The following SLC35E1 variants were observed in gnomAD, a reference collection of about 807,000 sequenced individuals.
The protein encoded by SLC35E1 is solute carrier family 35 member E1.
A neutral mutation model predicts 31.0 loss-of-function variants in SLC35E1; 12 were observed. The ratio of observed to expected loss-of-function variants is 0.39; its 90% confidence interval spans 0.25 to 0.63. SLC35E1 has a LOEUF of 0.63. Ranked by LOEUF, SLC35E1 falls within the 20% of genes least tolerant of loss-of-function variation. The pLI is 0.52. For synonymous variants in SLC35E1, 257 were observed against 264.1 expected (o/e 0.97, Z 0.26); for missense variants, 429 against 572.2 (o/e 0.75, Z 2.55).
chr19:16,558,050 T>C (rs750596993), intron 4 of SLC35E1, among the ~76,000 whole-genome samples: 13 of 151,314 alleles, frequency 8.6e-5, no homozygotes, highest in Non-Finnish European at 1.5e-4. Context: ...TTTTTGTTTT[T>C]GTTTTTTTTT....
chr19:16,563,323 A>AAAAAT (rs200971382), intron 4 of SLC35E1, among the ~76,000 whole-genome samples: 11,999 of 151,296 alleles, frequency 0.079, 564 homozygotes, highest in Admixed American at 0.11. Flanking sequence ...CTCCGTCTCA[A>AAAAAT]AAAATAAAAT....
At chr19:16,570,193 A>C (rs2085950670) in intron 2 of SLC35E1, among the ~76,000 whole-genome samples, 1 of 152,176 alleles carries the variant, frequency 6.6e-6, no homozygotes, top group Admixed American at 6.5e-5. Flanking sequence ...CAACGGGGAA[A>C]CCTGATACAC....
At chr19:16,565,136 C>T (rs11673650) in intron 4 of SLC35E1, 15,311 of 456,418 alleles carry the variant, frequency 0.034, 316 homozygotes, top group Non-Finnish European at 0.044. Context: ...GCAGACCCTG[C>T]AGGTGGCAAA....
At chr19:16,560,956 C>T (rs1188938349) in intron 4 of SLC35E1, among the ~76,000 whole-genome samples, 2 of 146,242 alleles carry the variant, frequency 1.4e-5, no homozygotes, top group East Asian at 4.1e-4. Context: ...AATCCTATCT[C>T]TTTGGGAGGT....
At chr19:16,569,760 C>T (rs1406666524) in intron 2 of SLC35E1, among the ~76,000 whole-genome samples, 1 of 152,202 alleles carries the variant, frequency 6.6e-6, no homozygotes, top group East Asian at 1.9e-4. Context: ...GCAAGAATCG[C>T]TTGAACCCAG....
In SLC35E1 at chr19:16,553,871, G is replaced by A. The variant is rs1434068337; in HGVS notation, c.1041C>T (p.Leu347=). Residue 347 remains leucine, a synonymous_variant, in exon 6 of 6, where the codon CTC becomes CTT. Transcript: ENST00000595753. ...TCAGGTCTGCTGTGGTGACGGGGAGGAGGTGCTTCCTGGCTTGCTGGTTTG... is the reference window on the plus strand; with the variant it reads ...TCAGGTCTGCTGTGGTGACGGGGAGAAGGTGCTTCCTGGCTTGCTGGTTTG... ...YDANQQARKH[L]LPVTTADLSS... 1 of 1,613,052 alleles carries A rather than the reference G, an allele frequency of 6.2e-7. No individual in the cohort carries two copies. The highest frequency in any genetic ancestry group is 8.5e-7 in the Non-Finnish European group (1 of 1,179,394).
chr19:16,564,701 TCCCTACC>T (rs950075962), intron 4 of SLC35E1, among the ~76,000 whole-genome samples: 7 of 152,116 alleles, frequency 4.6e-5, no homozygotes, highest in African/African-American at 1.4e-4. Flanking sequence ...GAGAACCCCT[TCCCTACC>T]CCCAAACAAA....
Position 16,555,657 on chromosome 19 carries a change from G to T in SLC35E1, c.757-260C>A, listed in dbSNP as rs1305994588. ...AAACAGGTGAAGCCAGGTCCCCAAA[G>T]GGCACCAAGCAAGACGTAAGCCAAA... is the stretch of plus-strand genomic sequence containing the variant. On this transcript the variant is annotated intron_variant, in intron 4 of 5. Transcript: ENST00000595753. The surrounding 1 kb of genome is among the most constrained non-coding windows in gnomAD (Gnocchi z 4.1). 2 of 470,654 alleles carry T rather than the reference G, an allele frequency of 4.2e-6. No individual in the cohort carries two copies. Among genetic ancestry groups the T allele is most frequent in the Non-Finnish European group, 7.7e-6 (2 of 260,986 alleles). The allele number at this position is 470,654 out of a possible 1,614,324, so 29.2% of individuals were successfully genotyped here.
intron 4 of SLC35E1, among the ~76,000 whole-genome samples, chr19:16,563,789 A>C (rs2085918773): frequency 6.6e-6 from 1 of 152,164 alleles, no homozygotes; most frequent in Non-Finnish European, 1.5e-5. Flanking sequence ...CCTGCAAAGA[A>C]ATACTAACCT....
intron 4 of SLC35E1, among the ~76,000 whole-genome samples, chr19:16,560,717 C>G (rs1213872398): frequency 6.7e-6 from 1 of 148,662 alleles, no homozygotes; most frequent in African/African-American, 2.5e-5. Flanking sequence ...CAAAAATTAG[C>G]CAGGAGTGGT....
chr19:16,556,033 T>C (rs1429466835), intron 4 of SLC35E1, among the ~76,000 whole-genome samples: 1 of 151,622 alleles, frequency 6.6e-6, no homozygotes, highest in African/African-American at 2.4e-5. Context: ...CTGACCAACA[T>C]GGTAAAACTG....
At chr19:16,557,081 C>T (rs1286864073) in intron 4 of SLC35E1, 1 of 426,756 alleles carries the variant, frequency 2.3e-6, no homozygotes, top group Non-Finnish European at 4.9e-6. Flanking sequence ...CTATTTTCTT[C>T]CTGCTTGCAT....
At position 16,555,274 on chromosome 19, in the gene SLC35E1, C is replaced by CGA. The variant is rs1568271147; in HGVS notation, c.878_879dup (p.Ala294SerfsTer15). The CGA allele has an allele frequency of 1.2e-6, 2 of 1,614,148 alleles. No homozygotes were observed. The highest frequency in any genetic ancestry group is 1.7e-6 in the Non-Finnish European group (2 of 1,180,022). On this transcript the variant is annotated frameshift_variant, in exon 5 of 6. Coordinates refer to ENST00000595753, the MANE Select transcript of SLC35E1 (RefSeq NM_024881.5). LOFTEE classifies it high-confidence loss of function. The surrounding 1 kb of genome is among the most constrained non-coding windows in gnomAD (Gnocchi z 4.1). ...ACCATGATTCTTTTGGTGGCATTGG[C>CGA]GACCGAGTAGCTCAGGGGGCTAACG...
intron 2 of SLC35E1, among the ~76,000 whole-genome samples, chr19:16,570,527 G>A (rs745665864): frequency 6.6e-6 from 1 of 152,130 alleles, no homozygotes; most frequent in African/African-American, 2.4e-5. Flanking sequence ...TTAAGAATAC[G>A]GGATAAAGCT....
Position 16,572,183 on chromosome 19 carries a change from A to T in SLC35E1, c.182T>A (p.Val61Glu), listed in dbSNP as rs1396518959. The T allele has an allele frequency of 6.5e-7, 1 of 1,531,978 alleles. No individual in the cohort carries two copies. Among genetic ancestry groups the T allele is most frequent in the Non-Finnish European group, 8.8e-7 (1 of 1,138,722 alleles). 94.9% of individuals were successfully genotyped at this position (1,531,978 alleles called of 1,614,324 possible). The change falls in exon 1 of 6, where the codon GTG (valine) becomes GAG (glutamate). Residue 61 changes from valine to glutamate, a missense_variant. Coordinates refer to ENST00000595753, the MANE Select transcript of SLC35E1 (RefSeq NM_024881.5). This position sits in a 1 kb window ranked among gnomAD's most constrained non-coding sequence, Gnocchi z 4.1. ...ILSAFPFPVT[V>E]SLCHILALCA... The stretch of plus-strand genomic sequence containing the variant: ...CAGAGCCAGGATGTGGCACAGCGAC[A>T]CGGTCACCGGGAACGGGAAGGCGCT...
At chr19:16,571,723 A>G (rs2085959689) in intron 1 of SLC35E1, 141 bp from the exon 2 acceptor site, 1 of 997,460 alleles carries the variant, frequency 1.0e-6, no homozygotes, top group Non-Finnish European at 1.5e-6. Context: ...TCCTCCTGCC[A>G]CGGCTGTTGT....
chr19:16,565,813 G>GC, intron 4 of SLC35E1: 1 of 136,326 alleles, frequency 7.3e-6, no homozygotes, highest in South Asian at 2.3e-4. Flanking sequence ...ACTGCGCCCG[G>GC]CTTTTTTTTT....
intron 4 of SLC35E1, chr19:16,565,560 C>G (rs1001452673): frequency 1.8e-4 from 29 of 161,586 alleles, no homozygotes; most frequent in Middle Eastern, 6.5e-3. Flanking sequence ...CTCTGTCACC[C>G]AGGCTGGAGT....
At chr19:16,561,155 A>G (rs971832376) in intron 4 of SLC35E1, among the ~76,000 whole-genome samples, 7 of 137,224 alleles carry the variant, frequency 5.1e-5, no homozygotes, top group African/African-American at 1.6e-4. Context: ...CAGAGGTTGC[A>G]GCGAGCTGAG....
Sources: allele counts gnomAD v4.1 joint callset (sites outside exome capture counted in the v4.1 genomes callset), GRCh38; gene constraint gnomAD v4.1.1; non-coding constraint Gnocchi (gnomAD v3.1); transcripts MANE v1.5; gene names NCBI Gene and HGNC (gene_info 2026-07-23, HGNC 2026-07-21).